UBXN2B: variants seen among roughly 807,000 people sequenced by gnomAD.
The protein encoded by UBXN2B is UBX domain-containing protein 2B.
In UBXN2B, 19 loss-of-function variants were observed where a neutral mutation model predicts 37.5. The ratio of observed to expected loss-of-function variants is 0.51; its 90% CI spans 0.35 to 0.74. The LOEUF (loss-of-function observed/expected upper bound fraction) is 0.74, where lower values mean the gene tolerates loss of function less well. UBXN2B is among the 30% of genes least tolerant of loss of function. The probability of loss-of-function intolerance (pLI) is 0.01; values close to 1 mark genes in which losing one functional copy is unlikely to be tolerated. For missense variants in UBXN2B, 370 were observed against 393.2 expected, an observed-to-expected ratio of 0.94 and a Z score of 0.50; for synonymous variants, 145 against 143.8, an observed-to-expected ratio of 1.01 and a Z score of -0.06.
intron 2 of UBXN2B, among the ~76,000 whole-genome samples, chr8:58,429,125 CTT>C (rs1354555145): frequency 6.6e-6 from 1 of 152,176 alleles, no homozygotes; most frequent in East Asian, 1.9e-4. Context: ...GCGGTAAGGT[CTT>C]TCTCACTAAG....
intron 5 of UBXN2B, 52 bp from the exon 6 acceptor site, chr8:58,439,581 A>T (rs1808494416): frequency 1.9e-6 from 3 of 1,570,394 alleles, no homozygotes; most frequent in Non-Finnish European, 2.6e-6. Flanking sequence ...TCAACAGTGT[A>T]GTTTAATTCT....
rs550129772 is a variant in UBXN2B, at chr8:58,422,386, G to C, written c.188+5433G>C. ...GCCTTCCTTTCAGGAGCCAAAGTCA[G>C]AAGAATCCGAGGAAACAATAACTTC... On this transcript the variant is annotated intron_variant, in intron 2 of 7. Coordinates refer to ENST00000399598, the MANE Select transcript of UBXN2B (RefSeq NM_001077619.2). 2.6e-5 allele frequency among the ~76,000 whole-genome samples: 4 copies of C among 152,328 alleles called. No individual in the cohort carries two copies. In the Middle Eastern group the frequency reaches 0.014, roughly 518 times the overall value.
chr8:58,443,342 T>C (rs2129604613), intron 6 of UBXN2B, among the ~76,000 whole-genome samples: 2 of 152,330 alleles, frequency 1.3e-5, no homozygotes, highest in East Asian at 3.9e-4. Flanking sequence ...TTTCCTGCCA[T>C]TTGCCTACAA....
intron 6 of UBXN2B, among the ~76,000 whole-genome samples, chr8:58,444,478 C>T (rs2129604648): frequency 6.6e-6 from 1 of 152,274 alleles, no homozygotes; most frequent in Non-Finnish European, 1.5e-5. Context: ...GTTAACACTG[C>T]TTCCCAGGCT....
chr8:58,421,925 G>T (rs1290263504), intron 2 of UBXN2B, among the ~76,000 whole-genome samples: 1 of 152,210 alleles, frequency 6.6e-6, no homozygotes, highest in Non-Finnish European at 1.5e-5. Context: ...TCCATTCTGA[G>T]TATAAAAGCA....
intron 2 of UBXN2B, chr8:58,426,597 A>G (rs1808098630): frequency 1.3e-6 from 1 of 751,692 alleles, no homozygotes. Flanking sequence ...AGGCCTTGCC[A>G]AAAAACTGCT....
At chr8:58,424,948 A>G (rs1808040710) in intron 2 of UBXN2B, 4 of 801,684 alleles carry the variant, frequency 5.0e-6, no homozygotes, top group Non-Finnish European at 9.0e-6. Context: ...GATGTCAGTC[A>G]GAATATCAAT....
intron 6 of UBXN2B, among the ~76,000 whole-genome samples, chr8:58,441,851 A>G (rs1808558188): frequency 6.6e-6 from 1 of 152,222 alleles, no homozygotes. Flanking sequence ...ATTATGGAAA[A>G]CAGAATCTAC....
chr8:58,411,826 A>C (rs1585588507), intron 1 of UBXN2B, among the ~76,000 whole-genome samples: 1 of 152,338 alleles, frequency 6.6e-6, no homozygotes, highest in East Asian at 1.9e-4. Context: ...AGGGAAGTAG[A>C]CAGTCACCTG....
intron 5 of UBXN2B, among the ~76,000 whole-genome samples, chr8:58,439,072 G>T (rs1487743194): frequency 6.6e-6 from 1 of 152,066 alleles, no homozygotes; most frequent in Non-Finnish European, 1.5e-5. Flanking sequence ...GTCCCCTTTT[G>T]CCTTCCACTG....
chr8:58,434,883 G>T lies in UBXN2B; in HGVS notation c.533+379G>T, dbSNP rs1277875197. 4 of 1,535,504 alleles carry T rather than the reference G, an allele frequency of 2.6e-6. No homozygotes were observed. In the East Asian group the frequency reaches 9.8e-5, roughly 38 times the overall value. On this transcript the variant is annotated intron_variant, in intron 5 of 7. Coordinates refer to ENST00000399598, the MANE Select transcript of UBXN2B (RefSeq NM_001077619.2). The stretch of plus-strand genomic sequence containing the variant: ...GGTGACTCTCATTGCATGTATGCCT[G>T]AAATTCAGCAACTTATGTTAGAAAT...
intron 2 of UBXN2B, 136 bp from the exon 3 acceptor site, chr8:58,430,383 T>A (rs1469402392): frequency 1.8e-6 from 1 of 563,708 alleles, no homozygotes; most frequent in Non-Finnish European, 2.8e-6. Flanking sequence ...ATTTTAAAAA[T>A]TAAATATTCT....
intron 1 of UBXN2B, among the ~76,000 whole-genome samples, chr8:58,412,155 A>G (rs1265798232): frequency 6.6e-6 from 1 of 152,224 alleles, no homozygotes; most frequent in Non-Finnish European, 1.5e-5. Flanking sequence ...GTGTCTCATT[A>G]TAAGATTATT....
At chr8:58,417,435 A>C (rs1177705638) in intron 2 of UBXN2B, among the ~76,000 whole-genome samples, 18 of 152,126 alleles carry the variant, frequency 1.2e-4, no homozygotes, top group Admixed American at 1.2e-3. Context: ...AGAATCTATG[A>C]TTTTTGAAGT....
At chr8:58,413,767 G>A (rs1433305959) in intron 1 of UBXN2B, among the ~76,000 whole-genome samples, 1 of 152,070 alleles carries the variant, frequency 6.6e-6, no homozygotes, top group African/African-American at 2.4e-5. Flanking sequence ...ACTCGGAAAT[G>A]TTTTTTTGCA....
chr8:58,431,109 C>T (rs974113833), intron 3 of UBXN2B, among the ~76,000 whole-genome samples: 1 of 152,228 alleles, frequency 6.6e-6, no homozygotes, highest in African/African-American at 2.4e-5. Context: ...TTTGCACTCA[C>T]ACCCACCCCG....
At chr8:58,416,717 T>A in intron 1 of UBXN2B, 133 bp from the exon 2 acceptor site, 1 of 611,978 alleles carries the variant, frequency 1.6e-6, no homozygotes, top group East Asian at 3.1e-5. Context: ...AAAGGAATCA[T>A]CTGAAGCAGC....
chr8:58,430,604 G>T lies in UBXN2B; in HGVS notation c.274G>T (p.Ala92Ser), dbSNP rs1418065631. 6.2e-7 allele frequency: 1 copy of T among 1,604,766 alleles called. No individual in the cohort carries two copies. Among genetic ancestry groups the T allele is most frequent in the Admixed American group, 1.7e-5 (1 of 59,058 alleles). ...GKIVNELFKE[A>S]REHGAVPLNE... ...AATTGTGAATGAACTTTTCAAAGAG[G>T]CAAGGGAACATGGGGCTGTCCCTCT... Residue 92 changes from alanine to serine, a missense_variant, in exon 3 of 8, where the codon GCA becomes TCA. Physicochemically the swap from Ala to Ser is moderately conservative, Grantham distance 99. Transcript: ENST00000399598.
chr8:58,412,277 C>T (rs1242994784), intron 1 of UBXN2B, among the ~76,000 whole-genome samples: 2 of 152,186 alleles, frequency 1.3e-5, no homozygotes, highest in African/African-American at 4.8e-5. Flanking sequence ...GAACAAACCA[C>T]CATCCATTGT....
Sources: allele counts gnomAD v4.1 joint callset (sites outside exome capture counted in the v4.1 genomes callset), GRCh38; gene constraint gnomAD v4.1.1; transcripts MANE v1.5; gene names NCBI Gene and HGNC (gene_info 2026-07-23, HGNC 2026-07-21).